The following SYK variants were observed in gnomAD, a reference collection of about 807,000 sequenced individuals.
SYK encodes the protein tyrosine-protein kinase SYK.
SYK carries 16 observed loss-of-function variants against 77.8 expected under a neutral mutation model. The ratio of observed to expected loss-of-function variants is 0.21; its 90% CI spans 0.14 to 0.31. The LOEUF is 0.31. SYK is among the 10% of genes least tolerant of loss of function. SYK has a pLI of 1.00. For missense variants in SYK, 529 were observed against 814.4 expected (o/e 0.65, Z 4.26); for synonymous variants, 312 against 308.7 (o/e 1.01, Z -0.11).
chr9:90,865,791 C>A (rs1448269448), intron 6 of SYK, among the ~76,000 whole-genome samples: 1 of 151,970 alleles, frequency 6.6e-6, no homozygotes, highest in African/African-American at 2.4e-5. Context: ...TTCACAGGAC[C>A]TCAGCTGTCT....
At chr9:90,854,966 TTCC>T (rs1415272853) in intron 3 of SYK, among the ~76,000 whole-genome samples, 3 of 150,502 alleles carry the variant, frequency 2.0e-5, no homozygotes, top group African/African-American at 7.4e-5. Context: ...CCCTCACTTC[TTCC>T]CCCTACAGCC....
intron 11 of SYK, among the ~76,000 whole-genome samples, chr9:90,885,497 A>G (rs1187066909): frequency 6.6e-6 from 1 of 152,222 alleles, no homozygotes; most frequent in Non-Finnish European, 1.5e-5. Flanking sequence ...AAGAGAAAAG[A>G]ATAAAAAAGA....
rs1826044249 is a variant in SYK, at chr9:90,835,553, TTC to T, written c.-41-8301_-41-8300del. Among the ~76,000 whole-genome samples, 3 of 152,324 alleles carry T rather than the reference TTC, an allele frequency of 2.0e-5. No individual in the cohort carries two copies. In the South Asian group the frequency reaches 6.2e-4, roughly 32 times the overall value. ...TTTTGGGGAAGCAGAACTGGCTGTGTTCTCTTTGTCCTGTGCACAGTTGGAAG... is the reference window on the plus strand; with the variant it reads ...TTTTGGGGAAGCAGAACTGGCTGTGTTCTTTGTCCTGTGCACAGTTGGAAG... On this transcript the variant is annotated intron_variant, in intron 1 of 13. Transcript: ENST00000375754.
At chr9:90,818,694 T>C (rs930478904) in intron 1 of SYK, among the ~76,000 whole-genome samples, 12 of 152,250 alleles carry the variant, frequency 7.9e-5, no homozygotes, top group Admixed American at 2.6e-4. Flanking sequence ...TATTTTACCA[T>C]TTATGCCTTT....
Position 90,887,405 on chromosome 9 carries a change from C to CTTTT in SYK, c.1582-331_1582-328dup, listed in dbSNP as rs3056951. On this transcript the variant is annotated intron_variant, in intron 11 of 13. Coordinates refer to ENST00000375754, the MANE Select transcript of SYK (RefSeq NM_003177.7). ...CACAATTTTATGCTTTTCTTTCTTTCTTTTTTTTTTTTTTTTGAGATGGAG... is the reference window on the plus strand; with the variant it reads ...CACAATTTTATGCTTTTCTTTCTTTCTTTTTTTTTTTTTTTTTTTTGAGATGGAG... 2.4e-3 allele frequency among the ~76,000 whole-genome samples: 307 copies of CTTTT among 128,908 alleles called. 5 individuals carry two copies. Among genetic ancestry groups the CTTTT allele is most frequent in the East Asian group, 5.3e-3 (24 of 4,504 alleles). The allele number at this position is 128,908 out of a possible 152,430, so 84.6% of individuals were successfully genotyped here. A position where few individuals can be genotyped will look rare whatever the true frequency, so the allele number is the denominator to read the frequency against.
At chr9:90,820,489 G>T (rs147344711) in intron 1 of SYK, among the ~76,000 whole-genome samples, 1 of 152,214 alleles carries the variant, frequency 6.6e-6, no homozygotes, top group African/African-American at 2.4e-5. Context: ...TCAACACCAC[G>T]TGGAAGCTGC....
chr9:90,865,038 C>T lies in SYK; in HGVS notation c.797-10C>T, dbSNP rs200686089. ...ATAGAGCAGTAATTGTCCATGCTCT[C>T]TCTAACCAGGAAATGTTAATTTTGG... On this transcript the variant is annotated splice_polypyrimidine_tract_variant and intron_variant, in intron 5 of 13. Coordinates refer to ENST00000375754, the MANE Select transcript of SYK (RefSeq NM_003177.7). 2 of 1,614,040 alleles carry T rather than the reference C, an allele frequency of 1.2e-6. No homozygotes were observed. Among genetic ancestry groups the T allele is most frequent in the Non-Finnish European group, 1.7e-6 (2 of 1,179,898 alleles).
intron 13 of SYK, among the ~76,000 whole-genome samples, chr9:90,893,586 C>T (rs72729086): frequency 0.055 from 8,420 of 152,198 alleles, 304 homozygotes; most frequent in South Asian, 0.16. Flanking sequence ...ACAAAAGATG[C>T]TGCTTTCAGC....
chr9:90,846,182 T>C (rs180832521), intron 3 of SYK, among the ~76,000 whole-genome samples: 2 of 152,322 alleles, frequency 1.3e-5, no homozygotes, highest in East Asian at 3.9e-4. Context: ...GGTTCTGAGA[T>C]ACAGGCCAAC....
chr9:90,874,916 A>G (rs1827870768), intron 9 of SYK, 67 bp downstream of exon 9: 1 of 1,552,444 alleles, frequency 6.4e-7, no homozygotes, highest in Admixed American at 1.9e-5. Flanking sequence ...ACTGAGAATA[A>G]CAAAATGTAA....
chr9:90,871,611 G>C (rs1480491727), intron 7 of SYK, among the ~76,000 whole-genome samples: 1 of 152,144 alleles, frequency 6.6e-6, no homozygotes, highest in Non-Finnish European at 1.5e-5. Context: ...ATGAAGCATG[G>C]ATTTTGCATC....
At chr9:90,837,498 G>A (rs772043193) in intron 1 of SYK, among the ~76,000 whole-genome samples, 1 of 152,032 alleles carries the variant, frequency 6.6e-6, no homozygotes, top group Non-Finnish European at 1.5e-5. Context: ...CAGGAGGCAG[G>A]AGAGGCCTCA....
At chr9:90,874,396 T>A in intron 8 of SYK, 105 bp downstream of exon 8, 1 of 1,168,372 alleles carries the variant, frequency 8.6e-7, no homozygotes, top group Non-Finnish European at 1.3e-6. Flanking sequence ...GTGATTGCAA[T>A]ACAGCCACAG....
chr9:90,821,079 C>T (rs1319083410), intron 1 of SYK, among the ~76,000 whole-genome samples: 1 of 152,172 alleles, frequency 6.6e-6, no homozygotes, highest in Admixed American at 6.5e-5. Context: ...AGTTTCTCAT[C>T]TCCATCTGAG....
intron 7 of SYK, 143 bp downstream of exon 7, chr9:90,867,342 A>C (rs1587887845): frequency 9.5e-5 from 77 of 813,782 alleles, no homozygotes; most frequent in East Asian, 3.3e-4. Context: ...CCTTGCTCAC[A>C]CCTGCTGTTC....
In SYK at chr9:90,832,441, C is replaced by A. The variant is rs1465460388; in HGVS notation, c.-41-11417C>A. On this transcript the variant is annotated intron_variant, in intron 1 of 13. Transcript: ENST00000375754. ...AAGTGCCAGGCTCAGATAATGTGGC[C>A]CTTGCAGGGTTTGGGCAGCTAGTCC... Among the ~76,000 whole-genome samples, 3 of 152,188 alleles carry A rather than the reference C, an allele frequency of 2.0e-5. No individual in the cohort carries two copies. The East Asian group carries it at 5.8e-4, about 29-fold the overall frequency.
chr9:90,816,345 C>T (rs1825292020), intron 1 of SYK, among the ~76,000 whole-genome samples: 1 of 152,184 alleles, frequency 6.6e-6, no homozygotes, highest in South Asian at 2.1e-4. Flanking sequence ...GACATCAGAA[C>T]CTTCCACAGT....
At chr9:90,812,325 A>G (rs1488100546) in intron 1 of SYK, among the ~76,000 whole-genome samples, 1 of 152,178 alleles carries the variant, frequency 6.6e-6, no homozygotes, top group Non-Finnish European at 1.5e-5. Context: ...GAAACACATC[A>G]TGCATCATGA....
intron 1 of SYK, among the ~76,000 whole-genome samples, chr9:90,831,277 C>T (rs1041840178): frequency 2.6e-5 from 4 of 152,104 alleles, no homozygotes; most frequent in South Asian, 2.1e-4. Context: ...CAGCACCTGC[C>T]GGAGCCATGC....
Sources: allele counts gnomAD v4.1 joint callset (sites outside exome capture counted in the v4.1 genomes callset), GRCh38; gene constraint gnomAD v4.1.1; transcripts MANE v1.5; gene names NCBI Gene and HGNC (gene_info 2026-07-23, HGNC 2026-07-21).